SPRED2: variants seen among roughly 807,000 people sequenced by gnomAD.
The protein encoded by SPRED2 is sprouty-related, EVH1 domain-containing protein 2.
Under a neutral mutation model 43.0 loss-of-function variants are expected in SPRED2, and 47 were observed. That is an observed-to-expected ratio of 1.09 (90% CI 0.87 to 1.40). The LOEUF (loss-of-function observed/expected upper bound fraction) is 1.40, where lower values mean the gene tolerates loss of function less well. Among genes scored for constraint, SPRED2 ranks in the 40% most tolerant of loss-of-function variants. SPRED2 has a pLI of 0.00. For synonymous variants in SPRED2, 225 were observed against 225.7 expected (o/e 1.00, Z 0.03); for missense variants, 561 against 586.4 (o/e 0.96, Z 0.45).
chr2:65,321,938 A>G (rs1266987912), intron 4 of SPRED2, among the ~76,000 whole-genome samples: 1 of 151,766 alleles, frequency 6.6e-6, no homozygotes, highest in Non-Finnish European at 1.5e-5. Flanking sequence ...ACGTTTGGCT[A>G]ATTTTTTGAT....
intron 1 of SPRED2, among the ~76,000 whole-genome samples, chr2:65,392,446 G>C (rs543282167): frequency 6.6e-6 from 1 of 152,306 alleles, no homozygotes; most frequent in South Asian, 2.1e-4. Context: ...AAAGTGCTAA[G>C]ATTACAGGCG....
intron 1 of SPRED2, among the ~76,000 whole-genome samples, chr2:65,421,167 A>G (rs1053316139): frequency 1.3e-5 from 2 of 152,138 alleles, no homozygotes; most frequent in Non-Finnish European, 2.9e-5. Context: ...AAAAAAGAAA[A>G]AATTCTTCTA....
chr2:65,323,285 G>C (rs1163748950), intron 4 of SPRED2, among the ~76,000 whole-genome samples: 1 of 152,162 alleles, frequency 6.6e-6, no homozygotes, highest in Admixed American at 6.5e-5. Context: ...ATGAGCCACT[G>C]CACCTGGCCC....
intron 1 of SPRED2, among the ~76,000 whole-genome samples, chr2:65,381,931 TG>T (rs1387807478): frequency 6.6e-6 from 1 of 152,214 alleles, no homozygotes; most frequent in Non-Finnish European, 1.5e-5. Context: ...GGAGGTTGGT[TG>T]TGGGTCTGCA....
Position 65,428,952 on chromosome 2 carries a change from TA to T in SPRED2, c.26+3009del, listed in dbSNP as rs139516119. On this transcript the variant is annotated intron_variant, in intron 1 of 5. Transcript: ENST00000356388. ...CTCTTCGCTTCTTAAATTATATTTT[TA>T]AAAGTCTGTATAATTGTAAATTTTA... Among the ~76,000 whole-genome samples, 26 of 152,326 alleles carry T rather than the reference TA, an allele frequency of 1.7e-4. No individual in the cohort carries two copies. In the East Asian group the frequency reaches 4.8e-3, roughly 28 times the overall value.
chr2:65,371,408 C>T (rs916672952), intron 1 of SPRED2, among the ~76,000 whole-genome samples: 1 of 152,170 alleles, frequency 6.6e-6, no homozygotes, highest in Admixed American at 6.5e-5. Context: ...TACACAGTGT[C>T]TTTCTGGTGG....
At chr2:65,392,175 CTTTT>C (rs70943649) in intron 1 of SPRED2, among the ~76,000 whole-genome samples, 2 of 98,724 alleles carry the variant, frequency 2.0e-5, no homozygotes, top group African/African-American at 3.7e-5. Flanking sequence ...TCCAGAATTT[CTTTT>C]TTTTTTTTTT....
rs370780039 is a variant in SPRED2 at position 65,367,833 on chromosome 2, C to T, written c.27-22937G>A. Among the ~76,000 whole-genome samples, 13 of 152,300 alleles carry T rather than the reference C, an allele frequency of 8.5e-5. 1 individual carries two copies. In the East Asian group the frequency reaches 1.4e-3, roughly 16 times the overall value. ...GCTCCATGAGAGGTTATGTAAGTCA[C>T]ATCCATAGTCTCTTAAACCAGCAGG... On this transcript the variant is annotated intron_variant, in intron 1 of 5. Coordinates refer to ENST00000356388, the MANE Select transcript of SPRED2 (RefSeq NM_181784.3).
Position 65,344,752 on chromosome 2 carries a change from A to T in SPRED2, c.171T>A (p.Phe57Leu). Residue 57 changes from phenylalanine (F) to leucine (L), a missense_variant, in exon 2 of 6, where the codon TTT (phenylalanine) becomes TTA (leucine). Physicochemically the swap from Phe to Leu is conservative, Grantham distance 22. Coordinates refer to ENST00000356388, the MANE Select transcript of SPRED2 (RefSeq NM_181784.3). ...CTTTCTGTCGTTCACCATGGATGAG[A>T]AAGCCGCTTCGTCCATTGCCTTCGG... Reference protein sequence around the residue: ...MHPEGNGRSGFLIHGERQKDK... With the variant: ...MHPEGNGRSGLLIHGERQKDK... The T allele has an allele frequency of 6.2e-7, 1 of 1,614,204 alleles. No homozygotes were observed. Among genetic ancestry groups the T allele is most frequent in the Non-Finnish European group, 8.5e-7 (1 of 1,180,038 alleles).
chr2:65,388,053 T>A (rs1458899332), intron 1 of SPRED2, among the ~76,000 whole-genome samples: 1 of 152,206 alleles, frequency 6.6e-6, no homozygotes, highest in Non-Finnish European at 1.5e-5. Flanking sequence ...CCTCCCAAAG[T>A]GCTGGGATTA....
chr2:65,321,519 AAAAAAAAAAAAG>A (rs1673413203), intron 4 of SPRED2, among the ~76,000 whole-genome samples: 1 of 150,940 alleles, frequency 6.6e-6, no homozygotes, highest in Non-Finnish European at 1.5e-5. Context: ...AAAAAAAAAA[AAAAAAAAAAAAG>A]ATGTCCAATT....
chr2:65,399,780 A>G (rs1441229076), intron 1 of SPRED2, among the ~76,000 whole-genome samples: 1 of 152,192 alleles, frequency 6.6e-6, no homozygotes, highest in African/African-American at 2.4e-5. Context: ...TGAGGACACA[A>G]AGGCATAAGA....
chr2:65,418,421 C>T (rs1330396970), intron 1 of SPRED2, among the ~76,000 whole-genome samples: 4 of 152,206 alleles, frequency 2.6e-5, no homozygotes, highest in Non-Finnish European at 5.9e-5. Context: ...CCTTGCTGAC[C>T]TGTCTCCTCC....
At chr2:65,409,889 G>T (rs955788489) in intron 1 of SPRED2, among the ~76,000 whole-genome samples, 1 of 151,876 alleles carries the variant, frequency 6.6e-6, no homozygotes, top group Non-Finnish European at 1.5e-5. Context: ...AATTATCCAG[G>T]TGTGGTGGCG....
intron 1 of SPRED2, among the ~76,000 whole-genome samples, chr2:65,382,303 C>CGAA (rs915121085): frequency 2.5e-4 from 38 of 151,818 alleles, no homozygotes; most frequent in African/African-American, 7.0e-4. Flanking sequence ...AAGAAGGCTA[C>CGAA]GAAGAAGAAG....
At chr2:65,307,461 G>A (rs1367853521), downstream of SPRED2, among the ~76,000 whole-genome samples, 1 of 149,232 alleles carries the variant, frequency 6.7e-6, no homozygotes, top group Non-Finnish European at 1.5e-5. Flanking sequence ...CTCCCAAAGT[G>A]TTGGGATTAC....
At chr2:65,310,512 T>A (rs1673041253), downstream of SPRED2, among the ~76,000 whole-genome samples, 1 of 147,760 alleles carries the variant, frequency 6.8e-6, no homozygotes, top group South Asian at 2.2e-4. Flanking sequence ...CACATATCCC[T>A]GAGGTTCAGC....
chr2:65,350,826 T>A (rs967720233), intron 1 of SPRED2, among the ~76,000 whole-genome samples: 2 of 152,128 alleles, frequency 1.3e-5, no homozygotes, highest in African/African-American at 4.8e-5. Flanking sequence ...ACCAAGGAAG[T>A]GTAGGAGATG....
chr2:65,317,567 A>C (rs1673280985), intron 4 of SPRED2, among the ~76,000 whole-genome samples: 2 of 151,696 alleles, frequency 1.3e-5, no homozygotes, highest in African/African-American at 4.8e-5. Context: ...ACAAAAACAA[A>C]ACATAAATAA....
Sources: gnomAD v4.1 joint callset for allele counts (sites outside exome capture counted in the v4.1 genomes callset) on GRCh38, gnomAD v4.1.1 for gene constraint, MANE v1.5 for transcripts, NCBI Gene and HGNC (gene_info 2026-07-23, HGNC 2026-07-21) for gene names.